TM9SF1: variants seen among roughly 807,000 people sequenced by gnomAD.
The protein encoded by TM9SF1 is transmembrane 9 superfamily member 1, also known as MP70 protein family member.
Under a neutral mutation model 52.4 loss-of-function variants are expected in TM9SF1, and 25 were observed. The ratio of observed to expected loss-of-function variants is 0.48; its 90% CI spans 0.35 to 0.67. TM9SF1 has a LOEUF of 0.67. Among genes scored for constraint, TM9SF1 ranks in the 30% least tolerant of loss-of-function variants. TM9SF1 has a pLI of 0.01. For synonymous variants in TM9SF1, 284 were observed against 299.8 expected (o/e 0.95, Z 0.55); for missense variants, 604 against 780.3 (o/e 0.77, Z 2.69).
chr14:24,192,639 T>C lies in TM9SF1; in HGVS notation c.967+9A>G, dbSNP rs1304033722. On this transcript the variant is annotated intron_variant, in intron 3 of 5. Transcript: ENST00000261789. This position sits in a 1 kb window ranked among gnomAD's most constrained non-coding sequence, Gnocchi z 4.0. ...GAGATAAATCCCCAATTCATTTTTATCACCTCACCAGTGCCAAGGGCCAGG... is the reference window on the plus strand; with the variant it reads ...GAGATAAATCCCCAATTCATTTTTACCACCTCACCAGTGCCAAGGGCCAGG... 2 of 1,540,284 alleles carry C rather than the reference T, an allele frequency of 1.3e-6. No homozygotes were observed. The highest frequency in any genetic ancestry group is 2.8e-5 in the African/African-American group (2 of 72,296).
rs931609710 is a variant in TM9SF1 at position 24,189,749 on chromosome 14, G to A, written c.1487C>T (p.Thr496Ile). ...GACAAAGAAGAGGATGCCGTACAAA[G>A]TGTACTGCTCCCGACCCCATACTGT... ...FATVWGREQY[T>I]LYGILFFVFA... The change falls in exon 6 of 6, where the codon ACT (threonine) becomes ATT (isoleucine). Residue 496 changes from threonine to isoleucine, a missense_variant. Transcript: ENST00000261789. 2 of 1,614,038 alleles carry A rather than the reference G, an allele frequency of 1.2e-6. No individual in the cohort carries two copies. Among genetic ancestry groups the A allele is most frequent in the African/African-American group, 1.3e-5 (1 of 74,900 alleles).
rs373983159 is a variant in TM9SF1 at position 24,191,285 on chromosome 14, G to C, written c.1154-632C>G. Among the ~76,000 whole-genome samples the C allele has an allele frequency of 2.0e-4, 31 of 152,346 alleles. No individual in the cohort carries two copies. The East Asian group carries it at 5.8e-3, about 28-fold the overall frequency. The stretch of plus-strand genomic sequence containing the variant: ...TGCCTCCAGGGGCCTGTCTTGCCTT[G>C]GAGTTGGTAATTCCTAGCATGAGAC... On this transcript the variant is annotated intron_variant, in intron 4 of 5. Transcript: ENST00000261789.
chr14:24,189,335 A>T lies in TM9SF1; in HGVS notation c.*80T>A, dbSNP rs1323795788. 1.4e-6 allele frequency: 2 copies of T among 1,454,780 alleles called. No individual in the cohort carries two copies. The highest frequency in any genetic ancestry group is 1.4e-5 in the African/African-American group (1 of 70,414). The allele number at this position is 1,454,780 out of a possible 1,614,324, so 90.1% of individuals were successfully genotyped here. On this transcript the variant is annotated 3_prime_UTR_variant, in exon 6 of 6. Transcript: ENST00000261789. Reference sequence around the variant, plus strand: ...AACAATGCCATCACACAATTCAGTCAATCAGAAGAGAAGCTGGTAGGAGAG... The same window carrying T: ...AACAATGCCATCACACAATTCAGTCTATCAGAAGAGAAGCTGGTAGGAGAG...
In TM9SF1 at chr14:24,192,451, C is replaced by A. The variant is rs375072432; in HGVS notation, c.968-95G>T. ...AGCCCCCCTTCTCCCAGACCCAGGG[C>A]CTCCAGCAAAACAATCTCCCCCAGT... On this transcript the variant is annotated intron_variant, in intron 3 of 5. Coordinates refer to ENST00000261789, the MANE Select transcript of TM9SF1 (RefSeq NM_006405.7). This position sits in a 1 kb window ranked among gnomAD's most constrained non-coding sequence, Gnocchi z 4.0. 9 of 1,450,048 alleles carry A rather than the reference C, an allele frequency of 6.2e-6. No homozygotes were observed. The African/African-American group carries it at 1.3e-4, about 21-fold the overall frequency. The allele number at this position is 1,450,048 out of a possible 1,614,324, so 89.8% of individuals were successfully genotyped here. A position where few individuals can be genotyped will look rare whatever the true frequency, so the allele number is the denominator to read the frequency against.
chr14:24,189,896 C>T (rs1375168085), intron 5 of TM9SF1, 88 bp from the exon 6 acceptor site: 1 of 1,485,914 alleles, frequency 6.7e-7, no homozygotes, highest in Non-Finnish European at 9.0e-7. Context: ...CCACCCTCTC[C>T]CATGTTGCTG....
In TM9SF1 at chr14:24,192,599, C is replaced by T. The variant is rs781442540; in HGVS notation, c.967+49G>A. 9.8e-6 allele frequency: 15 copies of T among 1,527,064 alleles called. No individual in the cohort carries two copies. Among genetic ancestry groups the T allele is most frequent in the Non-Finnish European group, 1.3e-5 (15 of 1,139,718 alleles). The allele number at this position is 1,527,064 out of a possible 1,614,324, so 94.6% of individuals were successfully genotyped here. ...GACCTTTTCTGAACAAACTCCCTACCTAGTTCTATCCCATGAGATAAATCC... is the reference window on the plus strand; with the variant it reads ...GACCTTTTCTGAACAAACTCCCTACTTAGTTCTATCCCATGAGATAAATCC... On this transcript the variant is annotated intron_variant, in intron 3 of 5. Transcript: ENST00000261789. The surrounding 1 kb of genome is among the most constrained non-coding windows in gnomAD (Gnocchi z 4.0).
At position 24,195,050 on chromosome 14, in the gene TM9SF1, TC is replaced by T. The variant is rs760685488; in HGVS notation, c.-17-15del. Reference sequence around the variant, plus strand: ...AGGCAGTGGAACCTGTTTGGGGGAATCCTGAGGTTATAGAAACCAGGGAGGT... The same window carrying T: ...AGGCAGTGGAACCTGTTTGGGGGAATCTGAGGTTATAGAAACCAGGGAGGT... On this transcript the variant is annotated splice_polypyrimidine_tract_variant and intron_variant, in intron 1 of 5. Transcript: ENST00000261789. The T allele has an allele frequency of 1.9e-6, 3 of 1,590,404 alleles. No individual in the cohort carries two copies. Among genetic ancestry groups the T allele is most frequent in the Non-Finnish European group, 2.6e-6 (3 of 1,162,794 alleles).
chr14:24,195,279 T>C, intron 1 of TM9SF1, 67 bp downstream of exon 1: 1 of 484,616 alleles, frequency 2.1e-6, no homozygotes, highest in Non-Finnish European at 3.7e-6. Flanking sequence ...CCCTGGCCCG[T>C]TTCCATGGCA....
rs750202006 is a variant in TM9SF1 at position 24,189,812 on chromosome 14, T to C, written c.1428-4A>G. On this transcript the variant is annotated splice_polypyrimidine_tract_variant and splice_region_variant and intron_variant, in intron 5 of 5. Coordinates refer to ENST00000261789, the MANE Select transcript of TM9SF1 (RefSeq NM_006405.7). ...GTACAGCTCCACAGAGATGGCACTG[T>C]GAAGAAAAGAGATGATACACAGCAT... 6.3e-6 allele frequency: 10 copies of C among 1,596,822 alleles called. No individual in the cohort carries two copies. Among genetic ancestry groups the C allele is most frequent in the Non-Finnish European group, 6.0e-6 (7 of 1,169,034 alleles).
At chr14:24,190,347 G>T (rs1266607952) in intron 5 of TM9SF1, 33 bp downstream of exon 5, 8 of 1,538,346 alleles carry the variant, frequency 5.2e-6, no homozygotes, top group Admixed American at 4.0e-5. Flanking sequence ...TCAGGAACCT[G>T]ACAGTAATAG....
At position 24,194,755 on chromosome 14, in the gene TM9SF1, C is replaced by T. The variant is rs769671703; in HGVS notation, c.265G>A (p.Ala89Thr). ...LGEVLDGDRM[A>T]ESLYEIRFRE... Reference sequence around the variant, plus strand: ...AAGCGGATCTCATACAAAGACTCAGCCATTCGGTCCCCATCCAGCACTTCA... The same window carrying T: ...AAGCGGATCTCATACAAAGACTCAGTCATTCGGTCCCCATCCAGCACTTCA... Residue 89 changes from alanine to threonine, a missense_variant, in exon 2 of 6, where the codon GCT (alanine) becomes ACT (threonine). Transcript: ENST00000261789. The T allele has an allele frequency of 1.2e-6, 2 of 1,614,126 alleles. No homozygotes were observed. Among genetic ancestry groups the T allele is most frequent in the African/African-American group, 2.7e-5 (2 of 74,950 alleles).
intron 2 of TM9SF1, among the ~76,000 whole-genome samples, chr14:24,194,369 A>G (rs569539168): frequency 6.6e-6 from 1 of 152,346 alleles, no homozygotes; most frequent in East Asian, 1.9e-4. Context: ...AGGAAACAGA[A>G]CTATGTGGGA....
At chr14:24,193,812 C>T (rs1214044263) in intron 2 of TM9SF1, among the ~76,000 whole-genome samples, 27 of 151,082 alleles carry the variant, frequency 1.8e-4, no homozygotes, top group African/African-American at 5.6e-4. Context: ...CCCAGCTACT[C>T]GGGAGGCTGA....
In TM9SF1 at chr14:24,189,392, G is replaced by A. The variant is rs749969765; in HGVS notation, c.*23C>T. 1.9e-6 allele frequency: 3 copies of A among 1,593,904 alleles called. No homozygotes were observed. The highest frequency in any genetic ancestry group is 2.6e-6 in the Non-Finnish European group (3 of 1,169,022). On this transcript the variant is annotated 3_prime_UTR_variant, in exon 6 of 6. Transcript: ENST00000261789. ...AGGGCATGAAGAAAGGGAGAGAACAGCAATAGTTCTGCCATACAGAACTCA... is the reference window on the plus strand; with the variant it reads ...AGGGCATGAAGAAAGGGAGAGAACAACAATAGTTCTGCCATACAGAACTCA...
chr14:24,190,137 G>C, intron 5 of TM9SF1: 1 of 1,374,680 alleles, frequency 7.3e-7, no homozygotes, highest in East Asian at 2.6e-5. Flanking sequence ...ATGTCCATAG[G>C]CATTAAAGTC....
chr14:24,190,787 A>T, intron 4 of TM9SF1, 134 bp from the exon 5 acceptor site: 3 of 566,552 alleles, frequency 5.3e-6, no homozygotes, highest in Non-Finnish European at 8.6e-6. Context: ...ATGCTCCTGG[A>T]TGTCCCTGCA....
chr14:24,195,215 A>AACCCCAACCCC, intron 1 of TM9SF1, 131 bp downstream of exon 1: 1 of 583,054 alleles, frequency 1.7e-6, no homozygotes, highest in Non-Finnish European at 3.0e-6. Context: ...TCATCCTCCC[A>AACCCCAACCCC]ACCTGGGGTT....
rs754023522 is a variant in TM9SF1, at chr14:24,189,750, T to C, written c.1486A>G (p.Thr496Ala). The C allele has an allele frequency of 6.2e-7, 1 of 1,614,082 alleles. No homozygotes were observed. Among genetic ancestry groups the C allele is most frequent in the South Asian group, 1.1e-5 (1 of 91,062 alleles). Residue 496 changes from threonine to alanine, a missense_variant, in exon 6 of 6, where the codon ACT becomes GCT. Coordinates refer to ENST00000261789, the MANE Select transcript of TM9SF1 (RefSeq NM_006405.7). ...ACAAAGAAGAGGATGCCGTACAAAG[T>C]GTACTGCTCCCGACCCCATACTGTG... ...FATVWGREQY[T>A]LYGILFFVFA...
intron 2 of TM9SF1, among the ~76,000 whole-genome samples, chr14:24,193,812 C>A (rs1214044263): frequency 1.3e-5 from 2 of 150,964 alleles, no homozygotes; most frequent in Non-Finnish European, 3.0e-5. Flanking sequence ...CCCAGCTACT[C>A]GGGAGGCTGA....
Sources: gnomAD v4.1 joint callset for allele counts (sites outside exome capture counted in the v4.1 genomes callset) on GRCh38, gnomAD v4.1.1 for gene constraint, Gnocchi (gnomAD v3.1) non-coding constraint, MANE v1.5 for transcripts, NCBI Gene and HGNC (gene_info 2026-07-23, HGNC 2026-07-21) for gene names.